STEAP1B: variants seen among roughly 807,000 people sequenced by gnomAD.
The protein encoded by STEAP1B is STEAP family protein MGC87042.
Under a neutral mutation model 27.9 loss-of-function variants are expected in STEAP1B, and 13 were observed. The ratio of observed to expected loss-of-function variants is 0.47; its 90% CI spans 0.30 to 0.74. The LOEUF (loss-of-function observed/expected upper bound fraction) is 0.74, where lower values mean the gene tolerates loss of function less well. STEAP1B is among the 30% of genes least tolerant of loss of function. The pLI is 0.06. For synonymous variants in STEAP1B, 86 were observed against 107.1 expected (o/e 0.80, Z 1.22); for missense variants, 250 against 298.7 (o/e 0.84, Z 1.20).
chr7:22,456,962 A>ATTTTTTTTTTT (rs1203176514), intron 4 of STEAP1B, among the ~76,000 whole-genome samples: 1 of 33,248 alleles, frequency 3.0e-5, no homozygotes, highest in African/African-American at 9.3e-5. Flanking sequence ...CTATATATAT[A>ATTTTTTTTTTT]TATATATATA....
intron 4 of STEAP1B, among the ~76,000 whole-genome samples, chr7:22,435,331 CA>C (rs1248601755): frequency 6.6e-6 from 1 of 151,952 alleles, no homozygotes; most frequent in East Asian, 1.9e-4. Flanking sequence ...GCAGCTCAAA[CA>C]GAAGCACCAG....
At chr7:22,492,370 T>G in intron 4 of STEAP1B, 195 bp downstream of exon 4, 1 of 519,722 alleles carries the variant, frequency 1.9e-6, no homozygotes. Context: ...GCTTTTTATT[T>G]ATGTCTAGGA....
intron 4 of STEAP1B, among the ~76,000 whole-genome samples, chr7:22,468,574 T>G (rs1188815776): frequency 1.3e-5 from 2 of 152,234 alleles, no homozygotes; most frequent in East Asian, 3.8e-4. Flanking sequence ...TGTTTTGATT[T>G]GATACGATGA....
intron 4 of STEAP1B, among the ~76,000 whole-genome samples, chr7:22,491,353 G>A (rs1354338317): frequency 6.6e-6 from 1 of 152,180 alleles, no homozygotes; most frequent in African/African-American, 2.4e-5. Flanking sequence ...TTGCCTTTAA[G>A]AAGTTTGCAG....
Position 22,440,985 on chromosome 7 carries a change from T to C in STEAP1B, c.763-21149A>G, listed in dbSNP as rs566005360. Among the ~76,000 whole-genome samples, 255 of 150,372 alleles carry C rather than the reference T, an allele frequency of 1.7e-3. 2 individuals are homozygous for C. In the Middle Eastern group the frequency reaches 0.018, roughly 11 times the overall value. The stretch of plus-strand genomic sequence containing the variant: ...ATATGTTAAATTATATATTAAAATT[T>C]ATTTAAATTGTATATTTTAATATTT... On this transcript the variant is annotated intron_variant, in intron 4 of 4. Coordinates refer to ENST00000678116, the MANE Select transcript of STEAP1B (RefSeq NM_001382447.1).
At chr7:22,443,382 C>A (rs1423879850) in intron 4 of STEAP1B, among the ~76,000 whole-genome samples, 1 of 152,142 alleles carries the variant, frequency 6.6e-6, no homozygotes, top group African/African-American at 2.4e-5. Context: ...TAATTAAGCA[C>A]CCATTGTATG....
intron 4 of STEAP1B, among the ~76,000 whole-genome samples, chr7:22,424,179 G>A (rs780137874): frequency 2.0e-5 from 3 of 152,162 alleles, no homozygotes; most frequent in Non-Finnish European, 4.4e-5. Flanking sequence ...ACAAAGGGAT[G>A]ATAGATAGCG....
chr7:22,499,796 C>A (rs1039913653), intron 1 of STEAP1B, among the ~76,000 whole-genome samples: 5 of 152,226 alleles, frequency 3.3e-5, no homozygotes, highest in Admixed American at 1.3e-4. Flanking sequence ...AACTTGCCAT[C>A]AAAATCCAAC....
chr7:22,452,067 T>A (rs1283605529), intron 4 of STEAP1B, among the ~76,000 whole-genome samples: 1 of 152,048 alleles, frequency 6.6e-6, no homozygotes, highest in African/African-American at 2.4e-5. Context: ...GGAAATCCAG[T>A]ATAAAGAACT....
chr7:22,450,203 G>C (rs1038896245), intron 4 of STEAP1B, among the ~76,000 whole-genome samples: 4 of 146,650 alleles, frequency 2.7e-5, no homozygotes, highest in African/African-American at 1.1e-4. Context: ...AGTGCTTGTG[G>C]AGTATCACTC....
At chr7:22,431,245 C>T (rs370275601) in intron 4 of STEAP1B, among the ~76,000 whole-genome samples, 1 of 152,158 alleles carries the variant, frequency 6.6e-6, no homozygotes. Flanking sequence ...TTCTATGGTG[C>T]CTGCTTCACC....
chr7:22,494,908 C>T, intron 1 of STEAP1B, 22 bp from the exon 2 acceptor site: 4 of 1,216,380 alleles, frequency 3.3e-6, no homozygotes, highest in Non-Finnish European at 4.6e-6. Flanking sequence ...AAAATAATTA[C>T]TTTCATGTCT....
chr7:22,424,699 T>C (rs1785084591), intron 4 of STEAP1B, among the ~76,000 whole-genome samples: 2 of 152,098 alleles, frequency 1.3e-5, no homozygotes, highest in South Asian at 2.1e-4. Flanking sequence ...AGATGTTCAA[T>C]TGAGGAGTAT....
Position 22,492,717 on chromosome 7 carries a change from T to C in STEAP1B, c.610A>G (p.Lys204Glu), listed in dbSNP as rs149580813. The change falls in exon 4 of 5, where the codon AAA becomes GAA. Residue 204 changes from lysine to glutamate, a missense_variant. Physicochemically the swap from Lys to Glu is moderately conservative, Grantham distance 56. Coordinates refer to ENST00000678116, the MANE Select transcript of STEAP1B (RefSeq NM_001382447.1). ...TCATGCTCAATCCAGGCATCTTCTT[T>C]ATTTTGTTGGACCTACCAGAAGGTA... Reference protein sequence around the residue: ...NWAYQQVQQNKEDAWIEHDVW... With the variant: ...NWAYQQVQQNEEDAWIEHDVW... The C allele has an allele frequency of 0.09, 142,925 of 1,590,948 alleles. 7,050 individuals are homozygous for C. Among genetic ancestry groups the C allele is most frequent in the African/African-American group, 0.14 (9,961 of 73,516 alleles).
chr7:22,456,972 A>ATATTTTTTTTTTTTTTTTTT, intron 4 of STEAP1B, among the ~76,000 whole-genome samples: 3 of 57,076 alleles, frequency 5.3e-5, no homozygotes, highest in African/African-American at 1.4e-4. Flanking sequence ...ATATATATAT[A>ATATTTTTTTTTTTTTTTTTT]TTTTTTTTTT....
chr7:22,464,924 G>A (rs1174128903), intron 4 of STEAP1B, among the ~76,000 whole-genome samples: 1 of 39,022 alleles, frequency 2.6e-5, no homozygotes, highest in Non-Finnish European at 6.8e-5. Context: ...GTGGATACCC[G>A]AAACCACAGA....
chr7:22,431,062 C>T (rs1244362860), intron 4 of STEAP1B, among the ~76,000 whole-genome samples: 1 of 152,220 alleles, frequency 6.6e-6, no homozygotes, highest in East Asian at 1.9e-4. Flanking sequence ...TGGTTCCAGG[C>T]TCAATCCTAG....
At chr7:22,437,702 T>C (rs1171095080) in intron 4 of STEAP1B, among the ~76,000 whole-genome samples, 5 of 152,334 alleles carry the variant, frequency 3.3e-5, no homozygotes, top group African/African-American at 1.2e-4. Context: ...GATGGCTGTA[T>C]TAATTTACAT....
intron 4 of STEAP1B, among the ~76,000 whole-genome samples, chr7:22,421,911 G>A (rs995497069): frequency 2.0e-5 from 3 of 152,144 alleles, no homozygotes; most frequent in Non-Finnish European, 4.4e-5. Flanking sequence ...AACCTCCCAT[G>A]GGAAAATCTG....
Sources: allele counts gnomAD v4.1 joint callset (sites outside exome capture counted in the v4.1 genomes callset), GRCh38; gene constraint gnomAD v4.1.1; transcripts MANE v1.5; gene names NCBI Gene and HGNC (gene_info 2026-07-23, HGNC 2026-07-21).